MCC: variants seen among roughly 807,000 people sequenced by gnomAD.
MCC encodes the protein MCC regulator of Wnt signaling pathway.
A neutral mutation model predicts 116.2 loss-of-function variants in MCC; 90 were observed. That is an observed-to-expected ratio of 0.77 (90% CI 0.65 to 0.92). The LOEUF is 0.92. MCC is among the 40% of genes least tolerant of loss of function. MCC has a pLI of 0.00. For missense variants in MCC, 1,516 were observed against 1,312.2 expected (o/e 1.16, Z -2.40); for synonymous variants, 578 against 510.5 (o/e 1.13, Z -1.78).
chr5:113,427,608 G>C (rs1025150769), intron 1 of MCC, among the ~76,000 whole-genome samples: 4 of 152,160 alleles, frequency 2.6e-5, no homozygotes, highest in African/African-American at 4.8e-5. Context: ...GATTATTATG[G>C]AGTCACTTTG....
intron 1 of MCC, among the ~76,000 whole-genome samples, chr5:113,451,519 G>A (rs1771395559): frequency 6.6e-6 from 1 of 152,192 alleles, no homozygotes; most frequent in South Asian, 2.1e-4. Flanking sequence ...CGGATCACCT[G>A]AGTTCGGGAG....
intron 3 of MCC, among the ~76,000 whole-genome samples, chr5:113,296,201 C>A (rs543440444): frequency 2.2e-4 from 33 of 152,216 alleles, no homozygotes; most frequent in African/African-American, 7.9e-4. Context: ...TTTAATTTAT[C>A]TTTTCATTGA....
chr5:113,173,449 CCT>C (rs1761174608), intron 3 of MCC, among the ~76,000 whole-genome samples: 1 of 152,040 alleles, frequency 6.6e-6, no homozygotes, highest in Non-Finnish European at 1.5e-5. Flanking sequence ...AATATCTCCC[CCT>C]TTGTTTTATT....
In MCC at chr5:113,183,938, T is replaced by C. The variant is rs191116107; in HGVS notation, c.628-32516A>G. On this transcript the variant is annotated intron_variant, in intron 3 of 18. Transcript: ENST00000408903. ...CCCATCTTCACAATTCCCCATGCAA[T>C]TTTTCGGTTGTGCAAACTGAAGCCC... Among the ~76,000 whole-genome samples, 101 of 142,068 alleles carry C rather than the reference T, an allele frequency of 7.1e-4. 1 individual carries two copies. Among genetic ancestry groups the C allele is most frequent in the African/African-American group, 2.5e-3 (99 of 39,460 alleles). 93.2% of individuals were successfully genotyped at this position (142,068 alleles called of 152,430 possible). A position where few individuals can be genotyped will look rare whatever the true frequency, so the allele number is the denominator to read the frequency against.
intron 8 of MCC, among the ~76,000 whole-genome samples, chr5:113,095,560 C>T (rs1330293119): frequency 6.6e-6 from 1 of 152,068 alleles, no homozygotes; most frequent in Non-Finnish European, 1.5e-5. Flanking sequence ...GCTATTATTA[C>T]CCAGGTTGGA....
chr5:113,128,110 C>T (rs1758187655), intron 5 of MCC, among the ~76,000 whole-genome samples: 1 of 152,200 alleles, frequency 6.6e-6, no homozygotes, highest in South Asian at 2.1e-4. Context: ...TCTTACTATG[C>T]TATCTAGACT....
At chr5:113,162,537 C>T (rs1760547677) in intron 3 of MCC, among the ~76,000 whole-genome samples, 1 of 152,056 alleles carries the variant, frequency 6.6e-6, no homozygotes, top group Non-Finnish European at 1.5e-5. Flanking sequence ...CACTCTGTCA[C>T]CCAGGTTAGA....
At chr5:113,278,784 C>G (rs1006617009) in intron 3 of MCC, among the ~76,000 whole-genome samples, 2 of 152,228 alleles carry the variant, frequency 1.3e-5, no homozygotes, top group East Asian at 1.9e-4. Flanking sequence ...TGAAGGGTTT[C>G]TAGGCAGGGA....
At chr5:113,049,050 A>C (rs1394713459) in intron 16 of MCC, 43 bp downstream of exon 16, 1 of 1,568,840 alleles carries the variant, frequency 6.4e-7, no homozygotes, top group Non-Finnish European at 8.7e-7. Context: ...GTCACTGGGC[A>C]GTCACTGAGC....
intron 3 of MCC, among the ~76,000 whole-genome samples, chr5:113,269,953 C>T (rs749906142): frequency 3.3e-5 from 5 of 152,058 alleles, no homozygotes; most frequent in South Asian, 2.1e-4. Flanking sequence ...AATTTTGAAA[C>T]GGACATAATA....
intron 3 of MCC, among the ~76,000 whole-genome samples, chr5:113,333,844 T>TACATATATGTATATATGTATATATGTAC (rs368087327): frequency 1.9e-5 from 1 of 52,178 alleles, no homozygotes; most frequent in African/African-American, 6.2e-5. Flanking sequence ...TGTATATATG[T>TACATATATGTATATATGTATATATGTAC]ATATATGTAC....
At chr5:113,105,678 C>T (rs1264263153) in intron 6 of MCC, among the ~76,000 whole-genome samples, 1 of 152,194 alleles carries the variant, frequency 6.6e-6, no homozygotes, top group African/African-American at 2.4e-5. Context: ...CCTCTTATTA[C>T]CATCTCTACT....
At chr5:113,092,412 G>A (rs1755707309) in intron 8 of MCC, among the ~76,000 whole-genome samples, 1 of 152,122 alleles carries the variant, frequency 6.6e-6, no homozygotes, top group Admixed American at 6.5e-5. Flanking sequence ...CAGCCTTGCC[G>A]ACACTTTCAT....
chr5:113,094,386 G>A (rs78241971), intron 8 of MCC, among the ~76,000 whole-genome samples: 8,109 of 149,842 alleles, frequency 0.054, 273 homozygotes, highest in East Asian at 0.11. Flanking sequence ...TTATAAAAAT[G>A]GTTGCATTGG....
At chr5:113,184,241 C>T (rs1272366900) in intron 3 of MCC, among the ~76,000 whole-genome samples, 1 of 152,132 alleles carries the variant, frequency 6.6e-6, no homozygotes. Context: ...TAACCCAAAG[C>T]TCTGTTTCTA....
At position 113,453,438 on chromosome 5, in the gene MCC, T is replaced by C. The variant is rs116230760; in HGVS notation, c.170+34807A>G. Among the ~76,000 whole-genome samples the C allele has an allele frequency of 9.9e-3, 1,513 of 152,312 alleles. 27 individuals are homozygous for C. Among genetic ancestry groups the C allele is most frequent in the African/African-American group, 0.034 (1,416 of 41,568 alleles). ...TCTCTTGAAGTGACCAGAGCCCTCCTGGAGTGTCACAGCCTAGGCTGCTGT... is the reference window on the plus strand; with the variant it reads ...TCTCTTGAAGTGACCAGAGCCCTCCCGGAGTGTCACAGCCTAGGCTGCTGT... On this transcript the variant is annotated intron_variant, in intron 1 of 18. Coordinates refer to ENST00000408903, the MANE Select transcript of MCC (RefSeq NM_001085377.2).
At chr5:113,221,049 A>G (rs1186862858) in intron 3 of MCC, among the ~76,000 whole-genome samples, 1 of 152,206 alleles carries the variant, frequency 6.6e-6, no homozygotes, top group African/African-American at 2.4e-5. Context: ...CCAAAAATAC[A>G]AAAAGTTAGC....
chr5:113,314,483 A>T (rs974883433), intron 3 of MCC, among the ~76,000 whole-genome samples: 2 of 152,258 alleles, frequency 1.3e-5, no homozygotes, highest in African/African-American at 4.8e-5. Flanking sequence ...TCCACACAGT[A>T]TAGAGCCGGA....
At chr5:113,449,815 T>C (rs1034074881) in intron 1 of MCC, among the ~76,000 whole-genome samples, 1 of 152,218 alleles carries the variant, frequency 6.6e-6, no homozygotes, top group African/African-American at 2.4e-5. Context: ...ATCTTAGAAG[T>C]TTCTTCAAAT....
Sources: gnomAD v4.1 joint callset for allele counts (sites outside exome capture counted in the v4.1 genomes callset) on GRCh38, gnomAD v4.1.1 for gene constraint, MANE v1.5 for transcripts, NCBI Gene and HGNC (gene_info 2026-07-23, HGNC 2026-07-21) for gene names.